UBE2D1: variants seen among roughly 807,000 people sequenced by gnomAD.
The protein encoded by UBE2D1 is ubiquitin conjugating enzyme E2 D1, also known as ubiquitin-conjugating enzyme E2 D1.
UBE2D1 carries 9 observed loss-of-function variants against 24.6 expected under a neutral mutation model. The ratio of observed to expected loss-of-function variants is 0.37; its 90% CI spans 0.22 to 0.64. The LOEUF is 0.64. UBE2D1 is among the 30% of genes least tolerant of loss of function. The pLI, the probability that UBE2D1 is intolerant of heterozygous loss-of-function variation, is 0.64. For missense variants in UBE2D1, 87 were observed against 177.1 expected (o/e 0.49, Z 2.89); for synonymous variants, 57 against 57.6 (o/e 0.99, Z 0.04).
intron 5 of UBE2D1, among the ~76,000 whole-genome samples, chr10:58,367,596 A>G (rs1433566235): frequency 6.6e-6 from 1 of 152,132 alleles, no homozygotes; most frequent in Non-Finnish European, 1.5e-5. Context: ...CTGTAATTTG[A>G]TTGTTCTGTA....
intron 5 of UBE2D1, among the ~76,000 whole-genome samples, chr10:58,366,912 C>T (rs1005958095): frequency 6.6e-6 from 1 of 152,044 alleles, no homozygotes; most frequent in Non-Finnish European, 1.5e-5. Context: ...TCTTCTTTTG[C>T]TTTTTATCAT....
chr10:58,351,813 C>T (rs1011356138), intron 1 of UBE2D1, among the ~76,000 whole-genome samples: 2 of 152,196 alleles, frequency 1.3e-5, no homozygotes, highest in Admixed American at 1.3e-4. Context: ...GATTTGTTTA[C>T]ACCAGCATCA....
chr10:58,341,238 A>C (rs1358766621), intron 1 of UBE2D1, among the ~76,000 whole-genome samples: 2 of 152,242 alleles, frequency 1.3e-5, no homozygotes, highest in Non-Finnish European at 2.9e-5. Flanking sequence ...TGACAGAGTC[A>C]TTTAGTTCCT....
intron 1 of UBE2D1, among the ~76,000 whole-genome samples, chr10:58,356,603 G>A (rs1026837343): frequency 2.0e-5 from 3 of 152,064 alleles, no homozygotes; most frequent in African/African-American, 2.4e-5. Flanking sequence ...TGAAATTGCT[G>A]GGTCAGAGAC....
At chr10:58,342,194 C>T (rs998851789) in intron 1 of UBE2D1, among the ~76,000 whole-genome samples, 2 of 152,168 alleles carry the variant, frequency 1.3e-5, no homozygotes, top group Non-Finnish European at 1.5e-5. Flanking sequence ...TAGAAGCATA[C>T]AGTCTAGTGC....
chr10:58,363,770 A>G lies in UBE2D1; in HGVS notation c.198+84A>G. On this transcript the variant is annotated intron_variant, in intron 4 of 6. Coordinates refer to ENST00000373910, the MANE Select transcript of UBE2D1 (RefSeq NM_003338.5). ...GAGCTCATTTGATTATCTAGAGCTC[A>G]TTTGATATGTCAAAGACTGTGGGGA... The G allele has an allele frequency of 3.0e-6, 3 of 1,002,422 alleles. No homozygotes were observed. In the Admixed American group the frequency reaches 7.3e-5, roughly 25 times the overall value. The allele number at this position is 1,002,422 out of a possible 1,614,324, so 62.1% of individuals were successfully genotyped here.
rs996429391 is a variant in UBE2D1, at chr10:58,369,501, C to T, written c.*736C>T. The T allele has an allele frequency of 6.6e-6, 1 of 152,472 alleles. No homozygotes were observed. The highest frequency in any genetic ancestry group is 1.5e-5 in the Non-Finnish European group (1 of 67,822). The allele number at this position is 152,472 out of a possible 1,614,324, so 9.4% of individuals were successfully genotyped here. A position where few individuals can be genotyped will look rare whatever the true frequency, so the allele number is the denominator to read the frequency against. On this transcript the variant is annotated 3_prime_UTR_variant, in exon 7 of 7. Coordinates refer to ENST00000373910, the MANE Select transcript of UBE2D1 (RefSeq NM_003338.5). ...TGTAACTTTTATTTGTTGCTATTCACATTTGAATTTTTTCCTGTATAGGCA... is the reference window on the plus strand; with the variant it reads ...TGTAACTTTTATTTGTTGCTATTCATATTTGAATTTTTTCCTGTATAGGCA...
intron 1 of UBE2D1, among the ~76,000 whole-genome samples, chr10:58,338,248 T>C (rs1198591851): frequency 6.6e-6 from 1 of 152,236 alleles, no homozygotes; most frequent in Non-Finnish European, 1.5e-5. Flanking sequence ...ATTAAAATTA[T>C]ATGTAAAGAC....
intron 1 of UBE2D1, among the ~76,000 whole-genome samples, chr10:58,335,727 G>A (rs900345387): frequency 4.6e-5 from 7 of 152,228 alleles, no homozygotes; most frequent in Non-Finnish European, 7.3e-5. Context: ...TCTCTCCTCT[G>A]CGGTTGGCTC....
At position 58,336,558 on chromosome 10, in the gene UBE2D1, A is replaced by G. The variant is rs145311279; in HGVS notation, c.24+1333A>G. The stretch of plus-strand genomic sequence containing the variant: ...CCATTTAAAGGTCATCTCATTGTAA[A>G]ACATACAGTTAACAATCAGCATCAG... On this transcript the variant is annotated intron_variant, in intron 1 of 6. Transcript: ENST00000373910. Among the ~76,000 whole-genome samples, 456 of 152,328 alleles carry G rather than the reference A, an allele frequency of 3.0e-3. 2 individuals are homozygous for G. The highest frequency in any genetic ancestry group is 0.027 in the Middle Eastern group (8 of 294).
At chr10:58,338,852 A>C (rs540786776) in intron 1 of UBE2D1, among the ~76,000 whole-genome samples, 6 of 152,294 alleles carry the variant, frequency 3.9e-5, no homozygotes, top group African/African-American at 1.4e-4. Flanking sequence ...AAACATAGCA[A>C]CTCAGAGAAC....
chr10:58,354,619 G>A (rs1840111182), intron 1 of UBE2D1, among the ~76,000 whole-genome samples: 1 of 152,102 alleles, frequency 6.6e-6, no homozygotes, highest in South Asian at 2.1e-4. Context: ...GGGAAGCTGA[G>A]GCAGGAGTTC....
chr10:58,364,627 A>G (rs564094683), intron 4 of UBE2D1, 144 bp from the exon 5 acceptor site: 1 of 609,898 alleles, frequency 1.6e-6, no homozygotes, highest in South Asian at 2.0e-5. Flanking sequence ...CAAAGTAGAT[A>G]ATTATTTGAT....
chr10:58,359,875 TGATA>T (rs1306222587), intron 1 of UBE2D1, among the ~76,000 whole-genome samples: 2 of 152,198 alleles, frequency 1.3e-5, no homozygotes, highest in Non-Finnish European at 2.9e-5. Flanking sequence ...TCAACTCCTG[TGATA>T]GATAGGCCCT....
intron 1 of UBE2D1, among the ~76,000 whole-genome samples, chr10:58,340,661 A>T (rs1399030201): frequency 6.6e-6 from 1 of 152,192 alleles, no homozygotes; most frequent in Non-Finnish European, 1.5e-5. Flanking sequence ...CTAGGATAGC[A>T]AATAAAATCT....
intron 1 of UBE2D1, among the ~76,000 whole-genome samples, chr10:58,360,557 A>C (rs918406236): frequency 3.3e-5 from 5 of 152,216 alleles, no homozygotes; most frequent in African/African-American, 1.2e-4. Context: ...GGCAGGAAAC[A>C]GGGTATGAAT....
chr10:58,358,657 A>G (rs1840159138), intron 1 of UBE2D1, among the ~76,000 whole-genome samples: 1 of 152,196 alleles, frequency 6.6e-6, no homozygotes, highest in African/African-American at 2.4e-5. Flanking sequence ...TCCCAAGATC[A>G]TGTGGGAAGT....
At chr10:58,343,091 A>T (rs1303947478) in intron 1 of UBE2D1, among the ~76,000 whole-genome samples, 1 of 152,080 alleles carries the variant, frequency 6.6e-6, no homozygotes, top group Non-Finnish European at 1.5e-5. Context: ...TTAGCCTCCC[A>T]AGTGGGGACT....
chr10:58,345,796 A>G (rs1040623662), intron 1 of UBE2D1, among the ~76,000 whole-genome samples: 1 of 152,152 alleles, frequency 6.6e-6, no homozygotes, highest in Non-Finnish European at 1.5e-5. Flanking sequence ...TAGGGGAGCC[A>G]GGCTTGTAGA....
Sources: gnomAD v4.1 joint callset for allele counts (sites outside exome capture counted in the v4.1 genomes callset) on GRCh38, gnomAD v4.1.1 for gene constraint, MANE v1.5 for transcripts, NCBI Gene and HGNC (gene_info 2026-07-23, HGNC 2026-07-21) for gene names.